KIF13B: variants seen among roughly 807,000 people sequenced by gnomAD.
KIF13B encodes the protein kinesin family member 13B.
In KIF13B, 127 loss-of-function variants were observed where a neutral mutation model predicts 222.0. That is an observed-to-expected ratio of 0.57 (90% confidence interval 0.50 to 0.66). KIF13B has a LOEUF of 0.66. Among genes scored for constraint, KIF13B ranks in the 30% least tolerant of loss-of-function variants. KIF13B has a pLI of 0.00. For missense variants in KIF13B, 2,173 were observed against 2,379.0 expected, an observed-to-expected ratio of 0.91 and a Z score of 1.80; for synonymous variants, 976 against 919.0, an observed-to-expected ratio of 1.06 and a Z score of -1.12.
At chr8:29,091,083 C>A (rs771311021) in intron 37 of KIF13B, among the ~76,000 whole-genome samples, 1 of 152,150 alleles carries the variant, frequency 6.6e-6, no homozygotes, top group Non-Finnish European at 1.5e-5. Flanking sequence ...AACCTTTGCT[C>A]ATATGTGCTC....
chr8:29,262,223 A>C (rs1816704336), intron 1 of KIF13B, among the ~76,000 whole-genome samples: 1 of 152,156 alleles, frequency 6.6e-6, no homozygotes, highest in Admixed American at 6.5e-5. Flanking sequence ...AGATTATTTA[A>C]ATGTACTCGG....
chr8:29,181,907 G>C lies in KIF13B; in HGVS notation c.585+12C>G. 6.3e-7 allele frequency: 1 copy of C among 1,597,726 alleles called. No individual in the cohort carries two copies. Among genetic ancestry groups the C allele is most frequent in the Non-Finnish European group, 8.6e-7 (1 of 1,166,532 alleles). On this transcript the variant is annotated intron_variant, in intron 7 of 39. Coordinates refer to ENST00000524189, the MANE Select transcript of KIF13B (RefSeq NM_015254.4). ...ACTAAATTTAAATAGTTCACATACA[G>C]GATGTTGTTACCTTGTAGCTTGTGA...
intron 10 of KIF13B, 24 bp from the exon 11 acceptor site, chr8:29,167,609 A>G (rs745956821): frequency 6.3e-7 from 1 of 1,584,322 alleles, no homozygotes; most frequent in Admixed American, 1.7e-5. Context: ...CAGAAAGTTG[A>G]GTAGCATATT....
At position 29,123,484 on chromosome 8, in the gene KIF13B, C is replaced by CT; in HGVS notation, c.3360dup (p.Glu1121ArgfsTer3). The CT allele has an allele frequency of 4.3e-6, 7 of 1,613,998 alleles. No homozygotes were observed. Among genetic ancestry groups the CT allele is most frequent in the Non-Finnish European group, 5.9e-6 (7 of 1,179,900 alleles). On this transcript the variant is annotated frameshift_variant, in exon 28 of 40. Transcript: ENST00000524189. LOFTEE classifies it high-confidence loss of function. ...TGCGCTTCACGGTCAGCATCATCCT[C>CT]TGTTTTATCTAGAACATCGAGAATG...
intron 35 of KIF13B, among the ~76,000 whole-genome samples, chr8:29,102,427 T>C (rs1451748300): frequency 6.6e-6 from 1 of 152,232 alleles, no homozygotes; most frequent in Non-Finnish European, 1.5e-5. Flanking sequence ...GGCACATTTG[T>C]CCTCACCGGC....
intron 35 of KIF13B, among the ~76,000 whole-genome samples, chr8:29,104,213 TG>T (rs1286657918): frequency 6.6e-6 from 1 of 151,254 alleles, no homozygotes; most frequent in Non-Finnish European, 1.5e-5. Context: ...CTCCCAAACC[TG>T]GCTTCAACTC....
At chr8:29,092,081 G>A (rs1041623271) in intron 37 of KIF13B, among the ~76,000 whole-genome samples, 2 of 152,076 alleles carry the variant, frequency 1.3e-5, no homozygotes, top group African/African-American at 4.8e-5. Context: ...AACTTGCCCT[G>A]TATGTGTTTT....
intron 37 of KIF13B, 132 bp from the exon 38 acceptor site, chr8:29,075,475 G>T: frequency 1.4e-6 from 1 of 725,098 alleles, no homozygotes; most frequent in South Asian, 1.9e-5. Flanking sequence ...GAGTGTGAGG[G>T]GCTCCACACC....
intron 21 of KIF13B, 96 bp from the exon 22 acceptor site, chr8:29,134,306 G>A: frequency 9.5e-6 from 11 of 1,159,880 alleles, no homozygotes; most frequent in Non-Finnish European, 1.4e-5. Flanking sequence ...ACTAACTTAG[G>A]TGCTTATGAT....
intron 28 of KIF13B, among the ~76,000 whole-genome samples, chr8:29,122,923 A>G (rs898361359): frequency 1.3e-5 from 2 of 152,222 alleles, no homozygotes; most frequent in South Asian, 4.1e-4. Context: ...GATATACTTA[A>G]GGGCTTCCTC....
chr8:29,111,254 C>T (rs141711191), intron 32 of KIF13B, among the ~76,000 whole-genome samples: 3 of 152,322 alleles, frequency 2.0e-5, no homozygotes, highest in East Asian at 3.9e-4. Flanking sequence ...GTATTCTTTT[C>T]ACCCCAACAC....
intron 37 of KIF13B, among the ~76,000 whole-genome samples, chr8:29,085,485 T>C (rs1172492572): frequency 1.9e-5 from 2 of 103,996 alleles, no homozygotes; most frequent in East Asian, 4.3e-4. Flanking sequence ...ATAAACTTTC[T>C]GTTTTTATTT....
chr8:29,238,833 G>A (rs1024320921), intron 2 of KIF13B, among the ~76,000 whole-genome samples: 6 of 152,080 alleles, frequency 3.9e-5, no homozygotes, highest in East Asian at 1.9e-4. Flanking sequence ...ACCTCCAAAC[G>A]TTCTGGTCTC....
chr8:29,069,060 A>T lies in KIF13B; in HGVS notation c.*1444T>A, dbSNP rs1807130125. On this transcript the variant is annotated 3_prime_UTR_variant, in exon 40 of 40. Transcript: ENST00000524189. ...TGTTGGCGCCTTCAAGTCCCTAGAG[A>T]ACCAGAGCCTTCCGCAGCGCTTTCT... is the stretch of plus-strand genomic sequence containing the variant. The T allele has an allele frequency of 6.6e-6, 1 of 152,222 alleles. No individual in the cohort carries two copies. Among genetic ancestry groups the T allele is most frequent in the Admixed American group, 6.5e-5 (1 of 15,290 alleles). The allele number at this position is 152,222 out of a possible 1,614,324, so 9.4% of individuals were successfully genotyped here.
chr8:29,078,759 G>A (rs1287658869), intron 37 of KIF13B, among the ~76,000 whole-genome samples: 1 of 152,190 alleles, frequency 6.6e-6, no homozygotes, highest in Non-Finnish European at 1.5e-5. Context: ...TTACCTAATG[G>A]TTAAATGTAT....
chr8:29,134,811 G>C (rs1810487459), intron 21 of KIF13B, among the ~76,000 whole-genome samples: 1 of 152,194 alleles, frequency 6.6e-6, no homozygotes, highest in Non-Finnish European at 1.5e-5. Flanking sequence ...TAGAAGGGAA[G>C]TGAAGTTAGT....
chr8:29,179,944 C>T (rs12056328), intron 8 of KIF13B, among the ~76,000 whole-genome samples, 160 bp downstream of exon 8: 78,007 of 152,036 alleles, frequency 0.51, 21,354 homozygotes, highest in Middle Eastern at 0.62. Flanking sequence ...CATGACATCC[C>T]TTTCTATTGA....
chr8:29,137,122 A>G (rs12545686), intron 21 of KIF13B, among the ~76,000 whole-genome samples: 5,479 of 152,280 alleles, frequency 0.036, 371 homozygotes, highest in Admixed American at 0.18. Flanking sequence ...TTGAGTAGAT[A>G]CATGTTCAAT....
At chr8:29,145,341 T>C (rs1437841351) in intron 18 of KIF13B, among the ~76,000 whole-genome samples, 1 of 152,202 alleles carries the variant, frequency 6.6e-6, no homozygotes, top group Non-Finnish European at 1.5e-5. Context: ...AAAGATGTAA[T>C]CCTTGCTATC....
Sources: allele counts gnomAD v4.1 joint callset (sites outside exome capture counted in the v4.1 genomes callset), GRCh38; gene constraint gnomAD v4.1.1; transcripts MANE v1.5; gene names NCBI Gene and HGNC (gene_info 2026-07-23, HGNC 2026-07-21).